The following RBFOX1 variants were observed in gnomAD, a reference collection of about 807,000 sequenced individuals.
The protein encoded by RBFOX1 is RNA binding fox-1 homolog 1.
In RBFOX1, 8 loss-of-function variants were observed where a neutral mutation model predicts 57.7. That is an observed-to-expected ratio of 0.14 (90% CI 0.08 to 0.25). RBFOX1 has a LOEUF of 0.25. RBFOX1 is among the 10% of genes least tolerant of loss of function. The pLI is 1.00. For missense variants in RBFOX1, 611 were observed against 548.5 expected (o/e 1.11, Z -1.14); for synonymous variants, 326 against 222.4 (o/e 1.47, Z -4.15).
intron 1 of RBFOX1, among the ~76,000 whole-genome samples, chr16:6,069,398 CAAAAAAA>C (rs34337622): frequency 1.8e-5 from 2 of 113,934 alleles, no homozygotes; most frequent in South Asian, 3.1e-4. Flanking sequence ...AACTCTGCCT[CAAAAAAA>C]AAAAAAAAAA....
At chr16:7,393,159 C>T (rs529580722) in intron 4 of RBFOX1, among the ~76,000 whole-genome samples, 6 of 152,250 alleles carry the variant, frequency 3.9e-5, no homozygotes, top group African/African-American at 1.4e-4. Flanking sequence ...CAGGTGTGAG[C>T]CACCGCACCC....
At chr16:5,761,418 C>T (rs2053584282) in intron 3 of RBFOX1, among the ~76,000 whole-genome samples, 2 of 152,148 alleles carry the variant, frequency 1.3e-5, no homozygotes, top group Admixed American at 1.3e-4. Context: ...TGTTCTCTTT[C>T]TGCTAATAAA....
chr16:6,626,426 C>G (rs1247985899), intron 2 of RBFOX1, among the ~76,000 whole-genome samples: 1 of 152,068 alleles, frequency 6.6e-6, no homozygotes, highest in Admixed American at 6.6e-5. Flanking sequence ...GGATTCTCAA[C>G]CAAGGCAAAA....
At chr16:7,613,332 T>G (rs1184264846) in intron 10 of RBFOX1, among the ~76,000 whole-genome samples, 9 of 152,238 alleles carry the variant, frequency 5.9e-5, no homozygotes, top group Admixed American at 1.3e-4. Flanking sequence ...GGTCAGGTCT[T>G]GAAACAAGCT....
intron 4 of RBFOX1, among the ~76,000 whole-genome samples, chr16:7,164,233 G>C (rs141338287): frequency 2.6e-5 from 4 of 152,152 alleles, no homozygotes; most frequent in East Asian, 3.9e-4. Context: ...TTCCATTCCT[G>C]AGTTACTTCA....
chr16:5,645,191 G>T (rs2049009611), intron 3 of RBFOX1, among the ~76,000 whole-genome samples: 2 of 152,028 alleles, frequency 1.3e-5, no homozygotes, highest in Admixed American at 1.3e-4. Context: ...AGAGGTTGCA[G>T]TGAGCCAAGA....
intron 2 of RBFOX1, among the ~76,000 whole-genome samples, chr16:6,439,167 G>T (rs2094312967): frequency 6.6e-6 from 1 of 152,170 alleles, no homozygotes; most frequent in Admixed American, 6.5e-5. Context: ...TTTGAAGTTT[G>T]TGTTGTCATG....
intron 3 of RBFOX1, among the ~76,000 whole-genome samples, chr16:6,719,660 A>G (rs1385662772): frequency 1.3e-5 from 2 of 150,894 alleles, no homozygotes; most frequent in Non-Finnish European, 3.0e-5. Context: ...GTTAGCTAGG[A>G]TGGTCTTGAT....
At chr16:6,047,872 A>G (rs1197671552) in intron 1 of RBFOX1, among the ~76,000 whole-genome samples, 2 of 152,276 alleles carry the variant, frequency 1.3e-5, no homozygotes, top group East Asian at 3.9e-4. Context: ...GTTTAGAGAG[A>G]TAAAGTGATT....
In RBFOX1 at chr16:6,741,610, G is replaced by A. The variant is rs954078217; in HGVS notation, c.-16+86960G>A. Among the ~76,000 whole-genome samples the A allele has an allele frequency of 1.0e-3, 155 of 151,570 alleles. 1 individual carries two copies. The highest frequency in any genetic ancestry group is 1.4e-3 in the Non-Finnish European group (92 of 67,836). On this transcript the variant is annotated intron_variant, in intron 3 of 15. Transcript: ENST00000550418. The stretch of plus-strand genomic sequence containing the variant: ...CTTGAACTGCGGAGGTGGAGGTTGC[G>A]GTGAGCCGAGATCATGCCACTGCAC...
intron 1 of RBFOX1, among the ~76,000 whole-genome samples, chr16:6,074,666 A>C (rs1597034358): frequency 6.6e-6 from 1 of 152,230 alleles, no homozygotes; most frequent in African/African-American, 2.4e-5. Flanking sequence ...CAGGAAGTCA[A>C]GTGAGGGTCA....
At chr16:6,167,272 C>G (rs1229403971) in intron 1 of RBFOX1, among the ~76,000 whole-genome samples, 3 of 152,200 alleles carry the variant, frequency 2.0e-5, no homozygotes, top group African/African-American at 7.2e-5. Flanking sequence ...GATAATCTTT[C>G]TTACCTTTCC....
chr16:5,901,798 T>C (rs971053209), intron 4 of RBFOX1, among the ~76,000 whole-genome samples: 4 of 152,246 alleles, frequency 2.6e-5, no homozygotes, highest in Non-Finnish European at 5.9e-5. Context: ...GTATCTTTTC[T>C]TCATAGCCTC....
intron 3 of RBFOX1, among the ~76,000 whole-genome samples, chr16:6,924,825 TC>T (rs1315195143): frequency 1.1e-5 from 1 of 93,098 alleles, no homozygotes; most frequent in Non-Finnish European, 2.2e-5. Flanking sequence ...ATGCTATCCC[TC>T]CCCCCTCCCC....
chr16:6,225,196 C>T lies in RBFOX1; in HGVS notation c.-126-91799C>T, dbSNP rs17139580. 8.9e-3 allele frequency among the ~76,000 whole-genome samples: 1,323 copies of T among 149,250 alleles called. 26 individuals are homozygous for T. The highest frequency in any genetic ancestry group is 0.031 in the African/African-American group (1,258 of 40,532). On this transcript the variant is annotated intron_variant, in intron 1 of 15. Transcript: ENST00000550418. ...AGGAATAACAGCTACAATCCCAATA[C>T]GTGCTAACTGAACTGCTAACTGAAG...
intron 2 of RBFOX1, among the ~76,000 whole-genome samples, chr16:6,410,866 C>T (rs1221043678): frequency 6.6e-6 from 1 of 152,160 alleles, no homozygotes; most frequent in Non-Finnish European, 1.5e-5. Context: ...CACTTAGCCC[C>T]TCTGAGCTTC....
chr16:7,328,076 G>T (rs2096635072), intron 4 of RBFOX1, among the ~76,000 whole-genome samples: 1 of 152,144 alleles, frequency 6.6e-6, no homozygotes, highest in Non-Finnish European at 1.5e-5. Flanking sequence ...GGCTCTCTTT[G>T]TTAGTCTGGT....
intron 4 of RBFOX1, among the ~76,000 whole-genome samples, chr16:7,279,967 G>T (rs980027711): frequency 9.2e-5 from 14 of 152,162 alleles, no homozygotes; most frequent in African/African-American, 3.4e-4. Flanking sequence ...CAGCCAAGTT[G>T]GCCATATCAG....
At chr16:5,969,163 A>G (rs554329303) in intron 4 of RBFOX1, among the ~76,000 whole-genome samples, 1 of 152,172 alleles carries the variant, frequency 6.6e-6, no homozygotes, top group Non-Finnish European at 1.5e-5. Context: ...TTGAAATAGA[A>G]TGTTGCAGCA....
Sources: gnomAD v4.1 joint callset for allele counts (sites outside exome capture counted in the v4.1 genomes callset) on GRCh38, gnomAD v4.1.1 for gene constraint, MANE v1.5 for transcripts, NCBI Gene and HGNC (gene_info 2026-07-23, HGNC 2026-07-21) for gene names.